Variants in ANKRD44 observed in about 807,000 individuals in gnomAD.
ANKRD44 encodes ankyrin repeat domain 44.
A neutral mutation model predicts 116.0 loss-of-function variants in ANKRD44; 35 were observed. The observed-to-expected ratio is 0.30, with a 90% CI of 0.23 to 0.40. ANKRD44 has a LOEUF of 0.40. ANKRD44 is among the 10% of genes least tolerant of loss of function. The pLI is 1.00. For synonymous variants in ANKRD44, 435 were observed against 461.8 expected, an observed-to-expected ratio of 0.94 and a Z score of 0.74; for missense variants, 1,014 against 1,242.6, an observed-to-expected ratio of 0.82 and a Z score of 2.77.
chr2:197,229,875 T>G (rs532879203), intron 1 of ANKRD44, among the ~76,000 whole-genome samples: 1 of 152,254 alleles, frequency 6.6e-6, no homozygotes, highest in South Asian at 2.1e-4. Context: ...GATGCAGAAT[T>G]GGAAAGGAGT....
chr2:196,972,121 A>AATGAGGGTGAGTC lies in ANKRD44; in HGVS notation c.2369-4688_2369-4676dup, dbSNP rs2075720272. ...GGGAGGAGGATAGGAGTAGGAAGAC[A>AATGAGGGTGAGTC]ATGAGGGTGAGTCATGAGCCACAGG... is the stretch of plus-strand genomic sequence containing the variant. On this transcript the variant is annotated intron_variant, in intron 21 of 21. Transcript: ENST00000424317. Among the ~76,000 whole-genome samples, 5 of 152,296 alleles carry AATGAGGGTGAGTC rather than the reference A, an allele frequency of 3.3e-5. No individual in the cohort carries two copies. In the South Asian group the frequency reaches 1.0e-3, roughly 32 times the overall value.
intron 17 of ANKRD44, 127 bp from the exon 18 acceptor site, chr2:197,013,839 A>G (rs2076340134): frequency 2.3e-6 from 2 of 867,996 alleles, no homozygotes; most frequent in Non-Finnish European, 3.6e-6. Context: ...TCAGAAAAAC[A>G]CTTGGAATAT....
At chr2:197,270,266 C>T (rs1196222765) in intron 1 of ANKRD44, among the ~76,000 whole-genome samples, 7 of 151,956 alleles carry the variant, frequency 4.6e-5, no homozygotes, top group African/African-American at 7.3e-5. Flanking sequence ...ACATGCCACT[C>T]GGGAGTCAGA....
At chr2:197,132,502 G>T (rs1039662583) in intron 4 of ANKRD44, among the ~76,000 whole-genome samples, 2 of 152,164 alleles carry the variant, frequency 1.3e-5, no homozygotes, top group African/African-American at 4.8e-5. Flanking sequence ...TCCAGACACA[G>T]AAATCTGAAC....
At chr2:197,184,870 C>T (rs1393657637) in intron 2 of ANKRD44, among the ~76,000 whole-genome samples, 2 of 152,124 alleles carry the variant, frequency 1.3e-5, no homozygotes, top group Non-Finnish European at 2.9e-5. Context: ...CAGTAGTTAA[C>T]CTATCTAATT....
At chr2:197,198,953 G>C (rs903415450) in intron 1 of ANKRD44, 1 of 152,370 alleles carries the variant, frequency 6.6e-6, no homozygotes. Context: ...GCCCGACATC[G>C]GCGGAGGAGC....
chr2:197,190,524 CT>C (rs1209926597), intron 1 of ANKRD44, among the ~76,000 whole-genome samples: 2 of 152,108 alleles, frequency 1.3e-5, no homozygotes, highest in Non-Finnish European at 2.9e-5. Context: ...ACTGCTTCTT[CT>C]TTTTTTCTCT....
At chr2:196,980,527 T>C (rs1213549358) in intron 21 of ANKRD44, among the ~76,000 whole-genome samples, 1 of 152,228 alleles carries the variant, frequency 6.6e-6, no homozygotes, top group Non-Finnish European at 1.5e-5. Flanking sequence ...AATTTTCACC[T>C]AAACAGCAAT....
chr2:197,059,919 C>T (rs1003908630), intron 16 of ANKRD44, among the ~76,000 whole-genome samples: 15 of 152,324 alleles, frequency 9.8e-5, no homozygotes, highest in Admixed American at 9.8e-4. Flanking sequence ...TCCTTCAATT[C>T]GTTACAGGTT....
chr2:197,251,428 T>TAA lies in ANKRD44; in HGVS notation c.27+59148_27+59149dup, dbSNP rs1410887523. Among the ~76,000 whole-genome samples the TAA allele has an allele frequency of 5.9e-5, 9 of 152,384 alleles. No homozygotes were observed. In the East Asian group the frequency reaches 1.7e-3, roughly 29 times the overall value. On this transcript the variant is annotated intron_variant, in intron 1 of 27. Coordinates refer to ENST00000282272, the MANE Select transcript of ANKRD44 (RefSeq NM_001195144.2). ...TTGTGTGACTTCTTACATCCACTGCTAATGTGTTCTCCAAAAGAACTGAAC... is the reference window on the plus strand; with the variant it reads ...TTGTGTGACTTCTTACATCCACTGCTAAAATGTGTTCTCCAAAAGAACTGAAC...
chr2:197,029,284 A>G (rs1163449696), intron 16 of ANKRD44: 1 of 207,628 alleles, frequency 4.8e-6, no homozygotes, highest in African/African-American at 2.4e-5. Flanking sequence ...CCTGGCAAAG[A>G]ATGGTGTCCT....
At chr2:197,099,975 G>A in intron 9 of ANKRD44, 45 bp from the exon 10 acceptor site, 1 of 1,564,068 alleles carries the variant, frequency 6.4e-7, no homozygotes, top group African/African-American at 1.4e-5. Flanking sequence ...GATTCAGGTT[G>A]ATTCAGGTCC....
At chr2:197,237,133 T>C (rs755318536) in intron 1 of ANKRD44, among the ~76,000 whole-genome samples, 3 of 152,198 alleles carry the variant, frequency 2.0e-5, no homozygotes, top group Non-Finnish European at 4.4e-5. Context: ...TCTTGTATAA[T>C]AGCCGACTGT....
intron 11 of ANKRD44, 30 bp downstream of exon 11, chr2:197,089,920 A>T: frequency 6.3e-7 from 1 of 1,596,506 alleles, no homozygotes. Flanking sequence ...GGACACATTA[A>T]GCCTCATCTC....
chr2:197,006,613 G>A (rs2076207480), intron 20 of ANKRD44, among the ~76,000 whole-genome samples: 2 of 152,152 alleles, frequency 1.3e-5, no homozygotes, highest in Admixed American at 6.5e-5. Flanking sequence ...AGGACGTTGT[G>A]AGGACTGAGA....
intron 17 of ANKRD44, among the ~76,000 whole-genome samples, chr2:197,016,300 T>C (rs937985818): frequency 6.6e-6 from 1 of 152,250 alleles, no homozygotes; most frequent in Non-Finnish European, 1.5e-5. Context: ...CGTAGCTTTA[T>C]CTTTTTCTTT....
chr2:196,983,554 A>G (rs957865497), downstream of ANKRD44, among the ~76,000 whole-genome samples: 1 of 152,218 alleles, frequency 6.6e-6, no homozygotes, highest in Non-Finnish European at 1.5e-5. Flanking sequence ...AGGAACCCCA[A>G]CTATAAAAAA....
chr2:197,077,298 T>C (rs980998572), intron 16 of ANKRD44, among the ~76,000 whole-genome samples: 1 of 152,186 alleles, frequency 6.6e-6, no homozygotes, highest in African/African-American at 2.4e-5. Flanking sequence ...GCCACACATA[T>C]GTTTTCTTTT....
chr2:197,093,408 G>T (rs2078090296), intron 10 of ANKRD44, among the ~76,000 whole-genome samples: 1 of 152,010 alleles, frequency 6.6e-6, no homozygotes, highest in African/African-American at 2.4e-5. Flanking sequence ...TACATTCGCT[G>T]ATTTTTTTTC....
Sources: allele counts gnomAD v4.1 joint callset (sites outside exome capture counted in the v4.1 genomes callset), GRCh38; gene constraint gnomAD v4.1.1; transcripts MANE v1.5; gene names NCBI Gene and HGNC (gene_info 2026-07-23, HGNC 2026-07-21).